SHOC2: variants seen among roughly 807,000 people sequenced by gnomAD.
The protein encoded by SHOC2 is leucine-rich repeat protein SHOC-2.
A neutral mutation model predicts 50.2 loss-of-function variants in SHOC2; 4 were observed. The ratio of observed to expected loss-of-function variants is 0.08; its 90% CI spans 0.04 to 0.18. SHOC2 has a LOEUF of 0.18. SHOC2 is among the 10% of genes least tolerant of loss of function. The pLI is 1.00. For synonymous variants in SHOC2, 218 were observed against 244.5 expected, an observed-to-expected ratio of 0.89 and a Z score of 1.01; for missense variants, 388 against 669.6, an observed-to-expected ratio of 0.58 and a Z score of 4.64.
At chr10:111,011,313 G>T (rs746839090) in intron 8 of SHOC2, among the ~76,000 whole-genome samples, 1 of 152,046 alleles carries the variant, frequency 6.6e-6, no homozygotes, top group Non-Finnish European at 1.5e-5. Context: ...TCTGGAGATG[G>T]GGCATATGTA....
At chr10:110,986,370 T>C (rs1303756280) in intron 3 of SHOC2, among the ~76,000 whole-genome samples, 1 of 152,244 alleles carries the variant, frequency 6.6e-6, no homozygotes, top group East Asian at 1.9e-4. Flanking sequence ...GATGCCTTTT[T>C]AGTTATTAAT....
At chr10:110,991,409 G>C (rs566262444) in intron 3 of SHOC2, among the ~76,000 whole-genome samples, 4 of 151,870 alleles carry the variant, frequency 2.6e-5, no homozygotes, top group Non-Finnish European at 5.9e-5. Context: ...TATTCTATAG[G>C]GCCAGATTAC....
chr10:110,968,740 G>T lies in SHOC2; in HGVS notation c.703+3679G>T, dbSNP rs117813252. ...ATCCTTGAGCCCAGGAGTTGGCTGG[G>T]CAGTCAGCTATGATTGCGCCACCGG... On this transcript the variant is annotated intron_variant, in intron 2 of 8. Coordinates refer to ENST00000369452, the MANE Select transcript of SHOC2 (RefSeq NM_007373.4). 4.3e-3 allele frequency among the ~76,000 whole-genome samples: 649 copies of T among 152,114 alleles called. 11 individuals carry two copies. In the East Asian group the frequency reaches 0.046, roughly 11 times the overall value.
At chr10:110,933,914 G>T (rs1247307308) in intron 1 of SHOC2, among the ~76,000 whole-genome samples, 2 of 152,052 alleles carry the variant, frequency 1.3e-5, no homozygotes, top group African/African-American at 4.8e-5. Flanking sequence ...GGCTCCCAAA[G>T]ATTAAATTCT....
At chr10:110,948,180 G>A (rs1422992726) in intron 1 of SHOC2, among the ~76,000 whole-genome samples, 1 of 152,120 alleles carries the variant, frequency 6.6e-6, no homozygotes, top group Non-Finnish European at 1.5e-5. Flanking sequence ...TATAATAGTT[G>A]TAAATATATA....
At position 110,985,730 on chromosome 10, in the gene SHOC2, A is replaced by G. The variant is rs864309599; in HGVS notation, c.806A>G (p.Gln269Arg). Residue 269 changes from glutamine to arginine, a missense_variant, in exon 3 of 9, where the codon CAG (glutamine) becomes CGG (arginine). Transcript: ENST00000369452. ...ACACAGATAACCAACCTTGACTTGC[A>G]GCACAATGAACTGCTAGACCTCCCA... Reference protein sequence around the residue: ...NCTQITNLDLQHNELLDLPDT... With the variant: ...NCTQITNLDLRHNELLDLPDT... The G allele has an allele frequency of 1.2e-6, 2 of 1,613,338 alleles. No homozygotes were observed. The highest frequency in any genetic ancestry group is 2.2e-5 in the East Asian group (1 of 44,770).
At chr10:111,004,875 TG>T in intron 5 of SHOC2, 81 bp downstream of exon 5, 1 of 970,376 alleles carries the variant, frequency 1.0e-6, no homozygotes, top group Non-Finnish European at 1.6e-6. Flanking sequence ...TCTAATTGTG[TG>T]GGGAGTGGGT....
At chr10:110,936,583 CT>C in intron 1 of SHOC2, 4 of 353,780 alleles carry the variant, frequency 1.1e-5, no homozygotes, top group Non-Finnish European at 1.4e-5. Context: ...ATGTCCTTTT[CT>C]TTTCCTTTTT....
chr10:110,925,858 G>A (rs1846761037), intron 1 of SHOC2, among the ~76,000 whole-genome samples: 1 of 152,154 alleles, frequency 6.6e-6, no homozygotes, highest in Non-Finnish European at 1.5e-5. Context: ...AGTTTTCTGT[G>A]TTAAAACACT....
intron 1 of SHOC2, among the ~76,000 whole-genome samples, chr10:110,941,390 G>T (rs1838009635): frequency 6.6e-6 from 1 of 151,970 alleles, no homozygotes; most frequent in South Asian, 2.1e-4. Context: ...GGAGTGTAGT[G>T]GCGCGATCTT....
At chr10:110,971,402 A>G (rs950565261) in intron 2 of SHOC2, among the ~76,000 whole-genome samples, 9 of 151,900 alleles carry the variant, frequency 5.9e-5, no homozygotes, top group Admixed American at 2.0e-4. Context: ...ACTCTATTCA[A>G]TTGATCTATT....
At chr10:110,940,942 T>TGACAGGG (rs1847130533) in intron 1 of SHOC2, among the ~76,000 whole-genome samples, 7 of 38,892 alleles carry the variant, frequency 1.8e-4, no homozygotes, top group Admixed American at 9.3e-4. Context: ...TTTTTTTTTT[T>TGACAGGG]TTTTTTGTGA....
intron 3 of SHOC2, among the ~76,000 whole-genome samples, chr10:110,999,842 A>G (rs1848337306): frequency 6.6e-6 from 1 of 152,098 alleles, no homozygotes; most frequent in African/African-American, 2.4e-5. Flanking sequence ...GCTTAGATAA[A>G]AGAGACTATA....
intron 1 of SHOC2, among the ~76,000 whole-genome samples, chr10:110,930,377 TAAA>T (rs1846867602): frequency 6.6e-6 from 1 of 152,166 alleles, no homozygotes; most frequent in African/African-American, 2.4e-5. Context: ...TCCGATAGTT[TAAA>T]TAGAGTGAGT....
At chr10:110,969,923 C>T (rs1847747498) in intron 2 of SHOC2, among the ~76,000 whole-genome samples, 2 of 152,042 alleles carry the variant, frequency 1.3e-5, no homozygotes, top group Admixed American at 1.3e-4. Flanking sequence ...AATAATTGTA[C>T]CTATTTGTGG....
At chr10:110,939,305 A>C (rs1198745112) in intron 1 of SHOC2, among the ~76,000 whole-genome samples, 1 of 151,972 alleles carries the variant, frequency 6.6e-6, no homozygotes, top group East Asian at 1.9e-4. Flanking sequence ...TGTAGCTCCT[A>C]TCTCTTGGGT....
At chr10:110,921,735 G>T (rs953362737) in intron 1 of SHOC2, among the ~76,000 whole-genome samples, 6 of 151,946 alleles carry the variant, frequency 3.9e-5, no homozygotes, top group African/African-American at 9.7e-5. Flanking sequence ...TATTGAGTAT[G>T]GTCACCCTGT....
At chr10:110,988,704 C>T (rs1482897007) in intron 3 of SHOC2, among the ~76,000 whole-genome samples, 1 of 152,004 alleles carries the variant, frequency 6.6e-6, no homozygotes, top group African/African-American at 2.4e-5. Flanking sequence ...CTTTATTTCA[C>T]CAGCTTACTT....
chr10:110,999,536 A>G (rs1848328551), intron 3 of SHOC2, among the ~76,000 whole-genome samples: 1 of 152,056 alleles, frequency 6.6e-6, no homozygotes, highest in Non-Finnish European at 1.5e-5. Context: ...CAGGAGTTCA[A>G]GACCAGCCTG....
Sources: allele counts gnomAD v4.1 joint callset (sites outside exome capture counted in the v4.1 genomes callset), GRCh38; gene constraint gnomAD v4.1.1; transcripts MANE v1.5; gene names NCBI Gene and HGNC (gene_info 2026-07-23, HGNC 2026-07-21).